The following MYO7B variants were observed in gnomAD, a reference collection of about 807,000 sequenced individuals.
MYO7B encodes myosin VIIB.
In MYO7B, 212 loss-of-function variants were observed where a neutral mutation model predicts 259.7. That is an observed-to-expected ratio of 0.82 (90% CI 0.73 to 0.91). The LOEUF is 0.91. MYO7B is among the 40% of genes least tolerant of loss of function. MYO7B has a pLI of 0.00. For synonymous variants in MYO7B, 1,197 were observed against 1,166.4 expected, an observed-to-expected ratio of 1.03 and a Z score of -0.54; for missense variants, 2,732 against 2,813.5, an observed-to-expected ratio of 0.97 and a Z score of 0.66.
In MYO7B at chr2:127,632,297, C is replaced by G; in HGVS notation, c.5301C>G (p.Phe1767Leu). 6.2e-7 allele frequency: 1 copy of G among 1,611,692 alleles called. No individual in the cohort carries two copies. The highest frequency in any genetic ancestry group is 8.5e-7 in the Non-Finnish European group (1 of 1,179,432). The change falls in exon 39 of 48, where the codon TTC (phenylalanine) becomes TTG (leucine). Residue 1767 changes from phenylalanine (F) to leucine (L), a missense_variant. Physicochemically the swap from Phe to Leu is conservative, Grantham distance 22 (BLOSUM62 0). Coordinates refer to ENST00000409816, the MANE Select transcript of MYO7B (RefSeq NM_001393586.1). ...TGCTGTGGCTGTGCACGGGCCTCTT[C>G]CCGCCCAGCAAGGGGCTGCTGCCCC... ...WQLLWLCTGL[F>L]PPSKGLLPHA...
Position 127,609,980 on chromosome 2 carries a change from C to A in MYO7B, c.3156C>A (p.His1052Gln). ...RQIHDTLGRE[H>Q]GAQVPQHSRS... ...TCCATGACACGCTGGGCAGGGAGCACGGTGCCCAGGTTCCACAGCACAGTA... is the reference window on the plus strand; with the variant it reads ...TCCATGACACGCTGGGCAGGGAGCAAGGTGCCCAGGTTCCACAGCACAGTA... The change falls in exon 24 of 48, where the codon CAC (histidine) becomes CAA (glutamine). Residue 1052 changes from histidine to glutamine, a missense_variant. By Grantham distance (24) the His-to-Gln change is conservative. Around this residue, in one of 3 missense-constraint regions of MYO7B, gnomAD observed 1,906 missense variants for 2,026.4 expected, o/e 0.94. Coordinates refer to ENST00000409816, the MANE Select transcript of MYO7B (RefSeq NM_001393586.1). This position sits in a 1 kb window ranked among gnomAD's most constrained non-coding sequence, Gnocchi z 6.9. 6.2e-7 allele frequency: 1 copy of A among 1,608,348 alleles called. No homozygotes were observed. The highest frequency in any genetic ancestry group is 8.5e-7 in the Non-Finnish European group (1 of 1,177,578).
In MYO7B at chr2:127,620,434, G is replaced by T; in HGVS notation, c.3493G>T (p.Gly1165Cys). Residue 1165 changes from glycine to cysteine, a missense_variant, in exon 27 of 48, where the codon GGC becomes TGC. This residue lies in a region of MYO7B where 1,906 missense variants were observed against 2,026.4 expected (regional missense o/e 0.94). Transcript: ENST00000409816. ...RGWILLSLCL[G>C]CFPPSERFMK... is the part of the protein sequence containing the mutation. ...CTGGATCCTGCTCAGCCTCTGCCTCGGCTGCTTCCCACCCTCAGAGAGGTT... is the reference window on the plus strand; with the variant it reads ...CTGGATCCTGCTCAGCCTCTGCCTCTGCTGCTTCCCACCCTCAGAGAGGTT... 6.2e-7 allele frequency: 1 copy of T among 1,607,340 alleles called. No individual in the cohort carries two copies. Among genetic ancestry groups the T allele is most frequent in the Non-Finnish European group, 8.5e-7 (1 of 1,175,082 alleles).
chr2:127,584,174 G>C lies in MYO7B; in HGVS notation c.1396G>C (p.Val466Leu). ...CAACGAGCACCTGCAGCAGTTCTTT[G>C]TGCAGCACGTGTTCACCATGGAGCA... ...FANEHLQQFFVQHVFTMEQEE... is the reference protein window; with the variant it reads ...FANEHLQQFFLQHVFTMEQEE... Residue 466 changes from valine (V) to leucine (L), a missense_variant, in exon 13 of 48, where the codon GTG (valine) becomes CTG (leucine). Transcript: ENST00000409816. This position sits in a 1 kb window ranked among gnomAD's most constrained non-coding sequence, Gnocchi z 5.8. The C allele has an allele frequency of 6.2e-7, 1 of 1,613,916 alleles. No individual in the cohort carries two copies. The highest frequency in any genetic ancestry group is 8.5e-7 in the Non-Finnish European group (1 of 1,179,856).
Position 127,631,633 on chromosome 2 carries a change from G to A in MYO7B, c.5129G>A (p.Arg1710Gln), listed in dbSNP as rs201390318. The change falls in exon 38 of 48, where the codon CGG (arginine) becomes CAG (glutamine). Residue 1710 changes from arginine (R) to glutamine (Q), a missense_variant. Arg to Gln is a conservative substitution (Grantham distance 43). Transcript: ENST00000409816. ...ILRYMGDYPS[R>Q]QAWPTLELTD... ...CGGTACATGGGCGACTACCCTTCTC[G>A]GCAGGCCTGGCCCACCCTGGAGCTC... 7.2e-5 allele frequency: 116 copies of A among 1,612,958 alleles called. No homozygotes were observed. The highest frequency in any genetic ancestry group is 3.3e-4 in the Middle Eastern group (2 of 6,084).
intron 26 of MYO7B, among the ~76,000 whole-genome samples, chr2:127,619,741 G>A (rs1680754743): frequency 6.6e-6 from 1 of 152,124 alleles, no homozygotes; most frequent in African/African-American, 2.4e-5. Flanking sequence ...CTGGAGATGT[G>A]GCATTTGAGG....
rs942761800 is a variant in MYO7B, at chr2:127,577,202, C to T, written c.849+494C>T. 2.0e-5 allele frequency among the ~76,000 whole-genome samples: 3 copies of T among 152,136 alleles called. No homozygotes were observed. Among genetic ancestry groups the T allele is most frequent in the East Asian group, 1.9e-4 (1 of 5,176 alleles). ...GGCTCCCTGGCCCTCAGGAGAACTG[C>T]GCCTCCTGGTTTATTGACCACAGAG... is the stretch of plus-strand genomic sequence containing the variant. On this transcript the variant is annotated intron_variant, in intron 8 of 47. Coordinates refer to ENST00000409816, the MANE Select transcript of MYO7B (RefSeq NM_001393586.1). This position sits in a 1 kb window ranked among gnomAD's most constrained non-coding sequence, Gnocchi z 5.2.
At chr2:127,562,197 T>G (rs1678117284) in intron 2 of MYO7B, among the ~76,000 whole-genome samples, 1 of 152,230 alleles carries the variant, frequency 6.6e-6, no homozygotes, top group South Asian at 2.1e-4. Context: ...CTTCACTATA[T>G]GAATTCTGGA....
chr2:127,556,960 T>C (rs1677854044), intron 1 of MYO7B, among the ~76,000 whole-genome samples: 1 of 152,204 alleles, frequency 6.6e-6, no homozygotes, highest in African/African-American at 2.4e-5. Flanking sequence ...TTTCCTTGAT[T>C]CTTCCCCAAA....
At position 127,636,444 on chromosome 2, in the gene MYO7B, G is replaced by A. The variant is rs1337768513; in HGVS notation, c.6124-101G>A. ...GGGGCTGGCCGTGAGGCTGGAGGGC[G>A]TGGGTGTATGTGTGTATGTGCGTGT... On this transcript the variant is annotated intron_variant, in intron 45 of 47. Transcript: ENST00000409816. This position sits in a 1 kb window ranked among gnomAD's most constrained non-coding sequence, Gnocchi z 4.5. 22 of 1,410,784 alleles carry A rather than the reference G, an allele frequency of 1.6e-5. No individual in the cohort carries two copies. Among genetic ancestry groups the A allele is most frequent in the Middle Eastern group, 1.8e-4 (1 of 5,680 alleles). 87.4% of individuals were successfully genotyped at this position (1,410,784 alleles called of 1,614,324 possible).
intron 26 of MYO7B, among the ~76,000 whole-genome samples, chr2:127,617,493 T>G (rs985670017): frequency 8.0e-6 from 1 of 124,806 alleles, no homozygotes; most frequent in African/African-American, 3.2e-5. Flanking sequence ...CGGGGTTTTT[T>G]TTTTTTTTTT....
Position 127,609,071 on chromosome 2 carries a change from G to T in MYO7B, c.2814+193G>T, listed in dbSNP as rs1271146896. 6.6e-6 allele frequency among the ~76,000 whole-genome samples: 1 copy of T among 152,180 alleles called. No individual in the cohort carries two copies. The highest frequency in any genetic ancestry group is 1.5e-5 in the Non-Finnish European group (1 of 68,032). ...GTGGTCAAAGCCTTCGAGTCAGGCA[G>T]GCTTCCCACCTGCAAGACTTCCTGG... On this transcript the variant is annotated intron_variant, in intron 22 of 47. Coordinates refer to ENST00000409816, the MANE Select transcript of MYO7B (RefSeq NM_001393586.1). The surrounding 1 kb of genome is among the most constrained non-coding windows in gnomAD (Gnocchi z 6.9).
chr2:127,557,379 CCTT>C (rs1231502584), intron 1 of MYO7B, among the ~76,000 whole-genome samples: 1 of 151,950 alleles, frequency 6.6e-6, no homozygotes, highest in Non-Finnish European at 1.5e-5. Context: ...TAATAATTGA[CCTT>C]CTGAATTCTT....
At chr2:127,545,369 C>T (rs1693182222) in intron 1 of MYO7B, among the ~76,000 whole-genome samples, 1 of 152,192 alleles carries the variant, frequency 6.6e-6, no homozygotes, top group Admixed American at 6.5e-5. Flanking sequence ...CCTGGGTGGG[C>T]CCACTGTGCT....
In MYO7B at chr2:127,636,640, G is replaced by A. The variant is rs531397074; in HGVS notation, c.6207+12G>A. The A allele has an allele frequency of 5.6e-6, 9 of 1,610,588 alleles. No individual in the cohort carries two copies. Among genetic ancestry groups the A allele is most frequent in the Admixed American group, 1.7e-5 (1 of 59,472 alleles). On this transcript the variant is annotated intron_variant, in intron 46 of 47. Coordinates refer to ENST00000409816, the MANE Select transcript of MYO7B (RefSeq NM_001393586.1). This position sits in a 1 kb window ranked among gnomAD's most constrained non-coding sequence, Gnocchi z 4.5. ...ACCCCAAGACCAAGGTAGCTGCTGG[G>A]CCTCCGGAGGGGCTGGGGGCCACCA...
At chr2:127,600,533 A>G (rs1026429984) in intron 19 of MYO7B, among the ~76,000 whole-genome samples, 14 of 152,334 alleles carry the variant, frequency 9.2e-5, no homozygotes, top group Admixed American at 2.6e-4. Flanking sequence ...AACATGGCGA[A>G]ACCCCGTCTC....
At chr2:127,620,626 C>T (rs553481367) in intron 27 of MYO7B, among the ~76,000 whole-genome samples, 160 bp downstream of exon 27, 3 of 152,228 alleles carry the variant, frequency 2.0e-5, no homozygotes, top group Non-Finnish European at 2.9e-5. Flanking sequence ...CTCCAGGACT[C>T]AGTTTCCCCA....
intron 1 of MYO7B, among the ~76,000 whole-genome samples, chr2:127,545,063 CA>C: frequency 6.6e-6 from 1 of 152,282 alleles, no homozygotes; most frequent in South Asian, 2.1e-4. Flanking sequence ...GTATTCTACC[CA>C]AAGGTTGAAC....
chr2:127,632,254 A>G lies in MYO7B; in HGVS notation c.5258A>G (p.Glu1753Gly). 1.2e-6 allele frequency: 2 copies of G among 1,611,874 alleles called. No homozygotes were observed. The highest frequency in any genetic ancestry group is 1.1e-5 in the South Asian group (1 of 91,006). ...QLTHNSNRHS[E>G]ERGWQLLWLC... ...CAAGTGCTACCCTTCAGGCACAGCGAAGAGCGGGGCTGGCAGCTGCTGTGG... is the reference window on the plus strand; with the variant it reads ...CAAGTGCTACCCTTCAGGCACAGCGGAGAGCGGGGCTGGCAGCTGCTGTGG... The change falls in exon 39 of 48, where the codon GAA becomes GGA. Residue 1753 changes from glutamate to glycine, a missense_variant. Physicochemically the swap from Glu to Gly is moderately conservative, Grantham distance 98 (BLOSUM62 -2). Around this residue, in one of 3 missense-constraint regions of MYO7B, gnomAD observed 821 missense variants for 769.3 expected, o/e 1.07. Transcript: ENST00000409816.
At chr2:127,549,254 T>C (rs977490291) in intron 1 of MYO7B, among the ~76,000 whole-genome samples, 4 of 152,202 alleles carry the variant, frequency 2.6e-5, no homozygotes, top group African/African-American at 9.7e-5. Context: ...AACCTAATAC[T>C]AACCCAACCC....
Sources: allele counts gnomAD v4.1 joint callset (sites outside exome capture counted in the v4.1 genomes callset), GRCh38; gene constraint gnomAD v4.1.1; regional missense constraint gnomAD v4.1.1; non-coding constraint Gnocchi (gnomAD v3.1); transcripts MANE v1.5; gene names NCBI Gene and HGNC (gene_info 2026-07-23, HGNC 2026-07-21).